Variants in PRDM16 observed in about 807,000 individuals in gnomAD.
PRDM16 encodes histone-lysine N-methyltransferase PRDM16.
PRDM16 carries 23 observed loss-of-function variants against 110.6 expected under a neutral mutation model. The observed-to-expected ratio is 0.21, with a 90% CI of 0.15 to 0.29. The LOEUF (loss-of-function observed/expected upper bound fraction) is 0.29, where lower values mean the gene tolerates loss of function less well. Among genes scored for constraint, PRDM16 ranks in the 10% least tolerant of loss-of-function variants. The pLI is 1.00. For missense variants in PRDM16, 1,615 were observed against 1,794.3 expected (o/e 0.90, Z 1.81); for synonymous variants, 799 against 781.8 (o/e 1.02, Z -0.37).
At chr1:3,313,818 A>G (rs1570048940) in intron 3 of PRDM16, among the ~76,000 whole-genome samples, 3 of 152,386 alleles carry the variant, frequency 2.0e-5, no homozygotes, top group Middle Eastern at 3.4e-3. Context: ...TCACTCCTCC[A>G]GCAGGAAGCC....
At position 3,436,797 on chromosome 1, in the gene PRDM16, C is replaced by T. The variant is rs1050330786; in HGVS notation, c.*2986C>T. The T allele has an allele frequency of 2.1e-5, 5 of 233,128 alleles. No homozygotes were observed. Among genetic ancestry groups the T allele is most frequent in the Admixed American group, 1.1e-4 (2 of 17,782 alleles). The allele number at this position is 233,128 out of a possible 1,614,324, so 14.4% of individuals were successfully genotyped here. Reference sequence around the variant, plus strand: ...GACAGGGATGCGACGGGGCAGCTGGCTGTGTCCATGGCCAGGTGGCCAGGG... The same window carrying T: ...GACAGGGATGCGACGGGGCAGCTGGTTGTGTCCATGGCCAGGTGGCCAGGG... On this transcript the variant is annotated 3_prime_UTR_variant, in exon 17 of 17. Coordinates refer to ENST00000270722, the MANE Select transcript of PRDM16 (RefSeq NM_022114.4).
At position 3,375,646 on chromosome 1, in the gene PRDM16, A is replaced by T. The variant is rs1424905676; in HGVS notation, c.439-9506A>T. ...AGGGACCACTCCTGTGGCAGGGGGCACAGCACAGCCTCAAGGCCCGGGCTT... is the reference window on the plus strand; with the variant it reads ...AGGGACCACTCCTGTGGCAGGGGGCTCAGCACAGCCTCAAGGCCCGGGCTT... On this transcript the variant is annotated intron_variant, in intron 3 of 16. Transcript: ENST00000270722. Among the ~76,000 whole-genome samples the T allele has an allele frequency of 2.6e-5, 4 of 152,250 alleles. No homozygotes were observed. The East Asian group carries it at 7.7e-4, about 29-fold the overall frequency.
In PRDM16 at chr1:3,436,070, AC is replaced by A. The variant is rs1217212215; in HGVS notation, c.*2263del. The A allele has an allele frequency of 4.3e-6, 1 of 230,588 alleles. No homozygotes were observed. The highest frequency in any genetic ancestry group is 2.2e-5 in the African/African-American group (1 of 45,166). The allele number at this position is 230,588 out of a possible 1,614,324, so 14.3% of individuals were successfully genotyped here. A position where few individuals can be genotyped will look rare whatever the true frequency, so the allele number is the denominator to read the frequency against. ...ATCCCCTGGGTCAGACCCACCAGGT[AC>A]CCCGTAGGAATTTCCAGTTTCCCTT... On this transcript the variant is annotated 3_prime_UTR_variant, in exon 17 of 17. Transcript: ENST00000270722.
At position 3,411,526 on chromosome 1, in the gene PRDM16, C is replaced by T. The variant is rs982192290; in HGVS notation, c.1329C>T (p.Arg443=). 6.2e-7 allele frequency: 1 copy of T among 1,614,076 alleles called. No homozygotes were observed. Among genetic ancestry groups the T allele is most frequent in the Non-Finnish European group, 8.5e-7 (1 of 1,180,052 alleles). The part of the protein sequence containing the change: ...STTSSLNKHR[R]FCEGKNHYTP... ...CCTCCTCCCTCAACAAGCACCGGCG[C>T]TTCTGCGAGGGCAAGAACCATTACA... The change falls in exon 9 of 17, where the codon CGC becomes CGT. Residue 443 remains arginine (R), a synonymous_variant. Coordinates refer to ENST00000270722, the MANE Select transcript of PRDM16 (RefSeq NM_022114.4).
intron 3 of PRDM16, among the ~76,000 whole-genome samples, chr1:3,301,807 T>G (rs1641214573): frequency 6.6e-6 from 1 of 152,212 alleles, no homozygotes; most frequent in South Asian, 2.1e-4. Context: ...AGCCACATTC[T>G]GTGTTTTCCT....
intron 3 of PRDM16, among the ~76,000 whole-genome samples, chr1:3,349,451 G>A (rs1050880106): frequency 1.3e-5 from 2 of 152,222 alleles, no homozygotes; most frequent in African/African-American, 4.8e-5. Context: ...AGGGCTGTCT[G>A]CACTGCCCGT....
rs571534168 is a variant in PRDM16, at chr1:3,116,935, C to T, written c.37+47639C>T. 1.6e-4 allele frequency among the ~76,000 whole-genome samples: 25 copies of T among 152,326 alleles called. No individual in the cohort carries two copies. The South Asian group carries it at 3.3e-3, about 20-fold the overall frequency. On this transcript the variant is annotated intron_variant, in intron 1 of 16. Transcript: ENST00000270722. ...CCCAAGCCCGACCTCCCTCCCTCCA[C>T]GGCACTCACACCTGGGGTGGATCAG...
At chr1:3,075,989 G>A (rs987896290) in intron 1 of PRDM16, among the ~76,000 whole-genome samples, 1 of 152,208 alleles carries the variant, frequency 6.6e-6, no homozygotes, top group East Asian at 1.9e-4. Context: ...AGTGAGCCAA[G>A]CCCCCCACGC....
At chr1:3,091,495 A>T (rs968597259) in intron 1 of PRDM16, among the ~76,000 whole-genome samples, 7 of 152,210 alleles carry the variant, frequency 4.6e-5, no homozygotes, top group African/African-American at 1.4e-4. Context: ...GTTGGGCCGA[A>T]TCCACTCCTC....
chr1:3,419,367 C>T (rs770474156), intron 12 of PRDM16, among the ~76,000 whole-genome samples: 2 of 152,220 alleles, frequency 1.3e-5, no homozygotes, highest in Non-Finnish European at 2.9e-5. Flanking sequence ...AGCAGTCACA[C>T]AGCTCATCGG....
At chr1:3,202,181 T>G (rs1027253453) in intron 2 of PRDM16, among the ~76,000 whole-genome samples, 1 of 152,174 alleles carries the variant, frequency 6.6e-6, no homozygotes, top group South Asian at 2.1e-4. Flanking sequence ...CATGGTAGAC[T>G]TTCATCATCT....
chr1:3,277,659 C>T (rs1465641599), intron 3 of PRDM16, among the ~76,000 whole-genome samples: 1 of 152,222 alleles, frequency 6.6e-6, no homozygotes, highest in Non-Finnish European at 1.5e-5. Flanking sequence ...GAGGCATTGA[C>T]CCCAGATGAA....
At position 3,157,094 on chromosome 1, in the gene PRDM16, G is replaced by A. The variant is rs1317301681; in HGVS notation, c.38-29031G>A. On this transcript the variant is annotated intron_variant, in intron 1 of 16. Coordinates refer to ENST00000270722, the MANE Select transcript of PRDM16 (RefSeq NM_022114.4). The surrounding 1 kb of genome is among the most constrained non-coding windows in gnomAD (Gnocchi z 4.8). ...CAGAACCAGCCGTGGCTGCCCAGTC[G>A]CCCAGATGGTGGTCCCAGGGCAGGG... Among the ~76,000 whole-genome samples the A allele has an allele frequency of 6.6e-6, 1 of 152,180 alleles. No individual in the cohort carries two copies. The highest frequency in any genetic ancestry group is 1.5e-5 in the Non-Finnish European group (1 of 68,034).
Position 3,268,206 on chromosome 1 carries a change from C to G in PRDM16, c.438+24069C>G, listed in dbSNP as rs184064022. Reference sequence around the variant, plus strand: ...GCTGCGGTTGCAGTCGCCCCCGGCTCGGCGCGCGTCAGACCAGGTGCGCGT... The same window carrying G: ...GCTGCGGTTGCAGTCGCCCCCGGCTGGGCGCGCGTCAGACCAGGTGCGCGT... On this transcript the variant is annotated intron_variant, in intron 3 of 16. Coordinates refer to ENST00000270722, the MANE Select transcript of PRDM16 (RefSeq NM_022114.4). 8.2e-4 allele frequency among the ~76,000 whole-genome samples: 125 copies of G among 152,290 alleles called. No individual in the cohort carries two copies. In the Middle Eastern group the frequency reaches 0.01, roughly 12 times the overall value.
intron 2 of PRDM16, among the ~76,000 whole-genome samples, chr1:3,197,587 G>A (rs963181338): frequency 2.0e-5 from 3 of 152,272 alleles, no homozygotes; most frequent in African/African-American, 7.2e-5. Context: ...GGAAGCAACT[G>A]GACCACTAAG....
At chr1:3,169,283 C>A (rs1304330950) in intron 1 of PRDM16, among the ~76,000 whole-genome samples, 2 of 152,174 alleles carry the variant, frequency 1.3e-5, no homozygotes, top group African/African-American at 4.8e-5. Context: ...AAGGCCCTTC[C>A]ATCCGGCCCC....
rs1455365947 is a variant in PRDM16, at chr1:3,435,141, CGGAT to C, written c.*1333_*1336del. On this transcript the variant is annotated 3_prime_UTR_variant, in exon 17 of 17. Coordinates refer to ENST00000270722, the MANE Select transcript of PRDM16 (RefSeq NM_022114.4). Reference sequence around the variant, plus strand: ...CTTGGGACGCAACTTCTTCCCCACTCGGATGGGCTTTAAATTATTCCCATAGGGG... The same window carrying C: ...CTTGGGACGCAACTTCTTCCCCACTCGGGCTTTAAATTATTCCCATAGGGG... The C allele has an allele frequency of 2.7e-5, 6 of 226,262 alleles. No individual in the cohort carries two copies. Among genetic ancestry groups the C allele is most frequent in the African/African-American group, 1.3e-4 (6 of 44,904 alleles). The allele number at this position is 226,262 out of a possible 1,614,324, so 14.0% of individuals were successfully genotyped here. A position where few individuals can be genotyped will look rare whatever the true frequency, so the allele number is the denominator to read the frequency against.
chr1:3,280,233 T>C (rs1640683977), intron 3 of PRDM16, among the ~76,000 whole-genome samples: 1 of 152,154 alleles, frequency 6.6e-6, no homozygotes, highest in Non-Finnish European at 1.5e-5. Context: ...ACTCTGTGTG[T>C]TCGTGTGTTG....
chr1:3,388,014 C>T (rs972995453), intron 4 of PRDM16, among the ~76,000 whole-genome samples: 1 of 152,264 alleles, frequency 6.6e-6, no homozygotes, highest in African/African-American at 2.4e-5. Context: ...GCCTTGACCA[C>T]GGGAACGTGG....
Sources: allele counts gnomAD v4.1 joint callset (sites outside exome capture counted in the v4.1 genomes callset), GRCh38; gene constraint gnomAD v4.1.1; non-coding constraint Gnocchi (gnomAD v3.1); transcripts MANE v1.5; gene names NCBI Gene and HGNC (gene_info 2026-07-23, HGNC 2026-07-21).